Variants in KLHL4 observed in about 807,000 individuals in gnomAD.
KLHL4 encodes the protein kelch-like protein 4.
KLHL4 carries 17 observed loss-of-function variants against 45.8 expected under a neutral mutation model. The ratio of observed to expected loss-of-function variants is 0.37; its 90% CI spans 0.25 to 0.56. The LOEUF (loss-of-function observed/expected upper bound fraction) is 0.56. Ranked by LOEUF, KLHL4 falls within the 20% of genes least tolerant of loss-of-function variation. The probability of loss-of-function intolerance (pLI) is 0.79; values close to 1 mark genes in which losing one functional copy is unlikely to be tolerated. For synonymous variants in KLHL4, 224 were observed against 189.9 expected, an observed-to-expected ratio of 1.18 and a Z score of -1.47; for missense variants, 544 against 544.9, an observed-to-expected ratio of 1.00 and a Z score of 0.02.
rs1460858094 is a variant in KLHL4, at chrX:87,567,139, A to T, written c.423-46738A>T. Among the ~76,000 whole-genome samples, 3 of 111,367 alleles carry T rather than the reference A, an allele frequency of 2.7e-5. No homozygotes were observed. The Admixed American group carries it at 2.9e-4, about 11-fold the overall frequency. On this transcript the variant is annotated intron_variant, in intron 1 of 10. Transcript: ENST00000373119. ...AACAATGAACTAAGGATTAGAGGGG[A>T]TCTTCCTATGCCTGGCAAAGGATAT...
At chrX:87,645,168 A>T (rs910488332) in intron 9 of KLHL4, among the ~76,000 whole-genome samples, 15 of 112,266 alleles carry the variant, frequency 1.3e-4, no homozygotes, top group African/African-American at 4.5e-4. Flanking sequence ...AAGGACTAAT[A>T]TCCAGAATCT....
intron 1 of KLHL4, among the ~76,000 whole-genome samples, chrX:87,613,422 A>G (rs1380182826): frequency 8.9e-6 from 1 of 112,136 alleles, no homozygotes; most frequent in Non-Finnish European, 1.9e-5. Flanking sequence ...CTTAGGCTTG[A>G]AATTCTTTGA....
intron 9 of KLHL4, among the ~76,000 whole-genome samples, chrX:87,664,032 T>A (rs930993200): frequency 8.9e-6 from 1 of 112,120 alleles, no homozygotes; most frequent in African/African-American, 3.2e-5. Context: ...TTCTTCATTG[T>A]TCACCTTTTA....
intron 1 of KLHL4, among the ~76,000 whole-genome samples, chrX:87,543,681 G>A (rs1051526869): frequency 6.3e-5 from 7 of 111,245 alleles, no homozygotes; most frequent in African/African-American, 2.3e-4. Context: ...CTAGCCAGAG[G>A]GGAATCATCA....
In KLHL4 at chrX:87,669,217, GATTT is replaced by G; in HGVS notation, c.*2684_*2687del. ...GATCTGAAAGACAATGTTGCTTCTT[GATTT>G]TTTTCTATAATCACTATGACCGTGT... On this transcript the variant is annotated 3_prime_UTR_variant, in exon 11 of 11. Transcript: ENST00000373119. The G allele has an allele frequency of 2.7e-6, 3 of 1,110,740 alleles. No homozygotes were observed. Among genetic ancestry groups the G allele is most frequent in the Non-Finnish European group, 3.6e-6 (3 of 842,995 alleles). The allele number at this position is 1,110,740 out of a possible 1,213,427, so 91.5% of individuals were successfully genotyped here.
intron 9 of KLHL4, among the ~76,000 whole-genome samples, chrX:87,661,004 CTG>C (rs1335034311): frequency 1.8e-5 from 2 of 112,417 alleles, no homozygotes; most frequent in Non-Finnish European, 3.8e-5. Flanking sequence ...TAACACAGAA[CTG>C]TACAAAGATA....
chrX:87,538,662 C>T (rs1368072453), intron 1 of KLHL4, among the ~76,000 whole-genome samples: 2 of 111,254 alleles, frequency 1.8e-5, no homozygotes, highest in Non-Finnish European at 3.8e-5. Flanking sequence ...TTCCTGGAAC[C>T]GTGTGGCAAG....
intron 1 of KLHL4, among the ~76,000 whole-genome samples, chrX:87,572,974 G>C (rs953319996): frequency 9.0e-6 from 1 of 111,314 alleles, no homozygotes; most frequent in African/African-American, 3.3e-5. Context: ...TCATAAAAGC[G>C]ACAAATATTT....
At position 87,616,020 on chromosome X, in the gene KLHL4, G is replaced by A. The variant is rs191784408; in HGVS notation, c.727+1450G>A. 3.1e-3 allele frequency among the ~76,000 whole-genome samples: 344 copies of A among 111,524 alleles called. 2 individuals carry two copies. Among genetic ancestry groups the A allele is most frequent in the African/African-American group, 0.01 (317 of 30,818 alleles). On this transcript the variant is annotated intron_variant, in intron 3 of 10. Coordinates refer to ENST00000373119, the MANE Select transcript of KLHL4 (RefSeq NM_019117.5). Reference sequence around the variant, plus strand: ...ATGAATAAACTTTTATTTCAAAGTTGTTCCTATGCCACAACCCCATAATGT... The same window carrying A: ...ATGAATAAACTTTTATTTCAAAGTTATTCCTATGCCACAACCCCATAATGT...
chrX:87,604,230 T>G (rs1221844882), intron 1 of KLHL4, among the ~76,000 whole-genome samples: 1 of 110,916 alleles, frequency 9.0e-6, no homozygotes, highest in African/African-American at 3.3e-5. Flanking sequence ...ATACTGATGT[T>G]ATTTTCTTTG....
At chrX:87,618,764 G>C (rs756442986) in intron 4 of KLHL4, among the ~76,000 whole-genome samples, 1 of 111,624 alleles carries the variant, frequency 9.0e-6, no homozygotes, top group Admixed American at 9.6e-5. Flanking sequence ...CTCCCAAAGT[G>C]CTGGGATTAC....
intron 1 of KLHL4, among the ~76,000 whole-genome samples, chrX:87,529,662 C>A (rs1404479221): frequency 9.0e-6 from 1 of 111,413 alleles, no homozygotes; most frequent in African/African-American, 3.3e-5. Context: ...CCAGAACAGT[C>A]ATGATACTGC....
intron 1 of KLHL4, among the ~76,000 whole-genome samples, chrX:87,524,755 A>G (rs1307588569): frequency 8.9e-6 from 1 of 112,353 alleles, no homozygotes; most frequent in Non-Finnish European, 1.9e-5. Context: ...AATATTGGTT[A>G]CTTAATTGTA....
chrX:87,538,687 C>G (rs1298159071), intron 1 of KLHL4, among the ~76,000 whole-genome samples: 2 of 111,208 alleles, frequency 1.8e-5, no homozygotes, highest in African/African-American at 6.5e-5. Flanking sequence ...AAAGAAAAGT[C>G]TCAAATTCTG....
In KLHL4 at chrX:87,654,133, T is replaced by TAATAA. The variant is rs58950637; in HGVS notation, c.1926-10612_1926-10608dup. Among the ~76,000 whole-genome samples the TAATAA allele has an allele frequency of 7.2e-3, 800 of 111,385 alleles. 6 individuals carry two copies. Among genetic ancestry groups the TAATAA allele is most frequent in the African/African-American group, 0.024 (739 of 30,484 alleles). ...CATCCTGCACATGTACCCTGGAAAT[T>TAATAA]AATAAAATAAAATAAAATAAAATTT... is the stretch of plus-strand genomic sequence containing the variant. On this transcript the variant is annotated intron_variant, in intron 9 of 10. Coordinates refer to ENST00000373119, the MANE Select transcript of KLHL4 (RefSeq NM_019117.5).
rs1924430476 is a variant in KLHL4 at position 87,668,073 on chromosome X, T to C, written c.*1539T>C. The C allele has an allele frequency of 5.4e-6, 4 of 746,740 alleles. No homozygotes were observed. The highest frequency in any genetic ancestry group is 6.3e-6 in the Non-Finnish European group (4 of 632,281). 61.5% of individuals were successfully genotyped at this position (746,740 alleles called of 1,213,427 possible). A position where few individuals can be genotyped will look rare whatever the true frequency, so the allele number is the denominator to read the frequency against. On this transcript the variant is annotated 3_prime_UTR_variant, in exon 11 of 11. Coordinates refer to ENST00000373119, the MANE Select transcript of KLHL4 (RefSeq NM_019117.5). Reference sequence around the variant, plus strand: ...TTCTTACACCTGCCATTGTCTCTAATTCTAAAGAGAGAGCTATAGATTTCT... The same window carrying C: ...TTCTTACACCTGCCATTGTCTCTAACTCTAAAGAGAGAGCTATAGATTTCT...
intron 1 of KLHL4, among the ~76,000 whole-genome samples, chrX:87,592,724 G>A (rs1195259009): frequency 3.6e-5 from 4 of 112,154 alleles, no homozygotes; most frequent in Non-Finnish European, 7.5e-5. Flanking sequence ...TTTGAGAAAT[G>A]TCTATTCAGT....
In KLHL4 at chrX:87,669,437, G is replaced by T; in HGVS notation, c.*2903G>T. The T allele has an allele frequency of 8.3e-7, 1 of 1,199,896 alleles. No homozygotes were observed. Among genetic ancestry groups the T allele is most frequent in the Non-Finnish European group, 1.1e-6 (1 of 889,702 alleles). ...ACACAGCAATGACATTTATCAATCT[G>T]ACTCAGGTGTGGCTGTTGCCCCTTT... On this transcript the variant is annotated 3_prime_UTR_variant, in exon 11 of 11. Transcript: ENST00000373119.
At chrX:87,652,500 C>G (rs1923852003) in intron 9 of KLHL4, among the ~76,000 whole-genome samples, 2 of 112,058 alleles carry the variant, frequency 1.8e-5, no homozygotes, top group Admixed American at 1.9e-4. Flanking sequence ...AATAATTTCT[C>G]TCAAGTTTAA....
Sources: allele counts gnomAD v4.1 joint callset (sites outside exome capture counted in the v4.1 genomes callset), GRCh38; gene constraint gnomAD v4.1.1; transcripts MANE v1.5; gene names NCBI Gene and HGNC (gene_info 2026-07-23, HGNC 2026-07-21).